RADIL: variants seen among roughly 807,000 people sequenced by gnomAD.
RADIL encodes the protein Rap associating with DIL domain, also known as ras-associating and dilute domain-containing protein.
Under a neutral mutation model 97.6 loss-of-function variants are expected in RADIL, and 99 were observed. The ratio of observed to expected loss-of-function variants is 1.01; its 90% CI spans 0.86 to 1.20. The LOEUF is 1.20. Among genes scored for constraint, RADIL ranks in the 50% most tolerant of loss-of-function variants. The pLI, the probability that RADIL is intolerant of heterozygous loss-of-function variation, is 0.00. For missense variants in RADIL, 1,765 were observed against 1,498.9 expected (o/e 1.18, Z -2.93); for synonymous variants, 803 against 691.8 (o/e 1.16, Z -2.52).
At chr7:4,799,593 T>G in intron 14 of RADIL, 37 bp downstream of exon 14, 2 of 1,606,550 alleles carry the variant, frequency 1.2e-6, no homozygotes, top group Non-Finnish European at 1.7e-6. Context: ...GCAGGGCATC[T>G]GGGAGAAGGG....
intron 5 of RADIL, among the ~76,000 whole-genome samples, chr7:4,830,746 G>A (rs776809115): frequency 6.6e-6 from 1 of 152,122 alleles, no homozygotes; most frequent in Non-Finnish European, 1.5e-5. Flanking sequence ...TGGGCGCGGT[G>A]GTTCACACCT....
At position 4,815,359 on chromosome 7, in the gene RADIL, G is replaced by A. The variant is rs3750011; in HGVS notation, c.2058C>T (p.Phe686=). The change falls in exon 9 of 15, where the codon TTC becomes TTT. Residue 686 remains phenylalanine, a synonymous_variant. Transcript: ENST00000399583. This position sits in a 1 kb window ranked among gnomAD's most constrained non-coding sequence, Gnocchi z 8.0. ...QLLEWMRSAG[F]GAAGEHFFQK... is the part of the protein sequence containing the mutation. ...GGAAGAAGTGCTCTCCAGCCGCCCC[G>A]AAGCCGGCGCTCCGCATCCACTCCA... is the stretch of plus-strand genomic sequence containing the variant. The A allele has an allele frequency of 3.3e-3, 5,182 of 1,559,362 alleles. 256 individuals are homozygous for A. In the East Asian group the frequency reaches 0.099, roughly 30 times the overall value.
rs61617955 is a variant in RADIL at position 4,814,569 on chromosome 7, G to T, written c.2139+709C>A. ...GGTGAGTGGCTGACTGTGTTGGGAGGGGGGTGGTGAGCAGCGAGGGAAGCA... is the reference window on the plus strand; with the variant it reads ...GGTGAGTGGCTGACTGTGTTGGGAGTGGGGTGGTGAGCAGCGAGGGAAGCA... On this transcript the variant is annotated intron_variant, in intron 9 of 14. Coordinates refer to ENST00000399583, the MANE Select transcript of RADIL (RefSeq NM_018059.5). This position sits in a 1 kb window ranked among gnomAD's most constrained non-coding sequence, Gnocchi z 4.5. Among the ~76,000 whole-genome samples the T allele has an allele frequency of 3.9e-5, 6 of 152,022 alleles. No homozygotes were observed. The highest frequency in any genetic ancestry group is 1.5e-4 in the African/African-American group (6 of 41,338).
At position 4,814,085 on chromosome 7, in the gene RADIL, A is replaced by C. The variant is rs1160576561; in HGVS notation, c.2139+1193T>G. 2.6e-5 allele frequency among the ~76,000 whole-genome samples: 4 copies of C among 152,272 alleles called. No homozygotes were observed. The East Asian group carries it at 7.7e-4, about 29-fold the overall frequency. ...ATGAGCCACCGTGCCTGGCCGAGTC[A>C]GCTTTCTTCAATCTGCTAAGGCAGT... On this transcript the variant is annotated intron_variant, in intron 9 of 14. Transcript: ENST00000399583. The surrounding 1 kb of genome is among the most constrained non-coding windows in gnomAD (Gnocchi z 4.5).
At position 4,799,621 on chromosome 7, in the gene RADIL, T is replaced by A; in HGVS notation, c.3122+9A>T. 1 of 1,605,766 alleles carries A rather than the reference T, an allele frequency of 6.2e-7. No individual in the cohort carries two copies. The highest frequency in any genetic ancestry group is 2.2e-5 in the East Asian group (1 of 44,700). On this transcript the variant is annotated intron_variant, in intron 14 of 14. Coordinates refer to ENST00000399583, the MANE Select transcript of RADIL (RefSeq NM_018059.5). ...GAGAAGGGGCCGGGCGTGCATGCGGTGGGGGTACCTCAGGTAGCCAAGGCC... is the reference window on the plus strand; with the variant it reads ...GAGAAGGGGCCGGGCGTGCATGCGGAGGGGGTACCTCAGGTAGCCAAGGCC...
At position 4,822,575 on chromosome 7, in the gene RADIL, A is replaced by C. The variant is rs749488569; in HGVS notation, c.1455-21T>G. On this transcript the variant is annotated intron_variant, in intron 5 of 14. Coordinates refer to ENST00000399583, the MANE Select transcript of RADIL (RefSeq NM_018059.5). The surrounding 1 kb of genome is among the most constrained non-coding windows in gnomAD (Gnocchi z 5.3). Reference sequence around the variant, plus strand: ...CCTGGCTACCAAGACAGAAAGACTAAGAGTTACGCGGGGACCCGACCCTCA... The same window carrying C: ...CCTGGCTACCAAGACAGAAAGACTACGAGTTACGCGGGGACCCGACCCTCA... The C allele has an allele frequency of 1.2e-6, 2 of 1,610,230 alleles. No individual in the cohort carries two copies. The highest frequency in any genetic ancestry group is 1.7e-4 in the Middle Eastern group (1 of 6,030).
At position 4,834,764 on chromosome 7, in the gene RADIL, C is replaced by A; in HGVS notation, c.1259G>T (p.Arg420Met). The A allele has an allele frequency of 7.1e-7, 1 of 1,399,806 alleles. No homozygotes were observed. The highest frequency in any genetic ancestry group is 9.3e-7 in the Non-Finnish European group (1 of 1,070,194). 86.7% of individuals were successfully genotyped at this position (1,399,806 alleles called of 1,614,324 possible). ...EPHLEDTLLQ[R>M]IMTLIEPGGD... is the part of the protein sequence containing the mutation. ...CCCCGGCTCGATCAACGTCATGATC[C>A]TCTGCAGCAGCGTGTCCTCCAGGTG... Residue 420 changes from arginine (R) to methionine (M), a missense_variant, in exon 4 of 15, where the codon AGG (arginine) becomes ATG (methionine). Physicochemically the swap from Arg to Met is moderately conservative, Grantham distance 91 (BLOSUM62 -1). Coordinates refer to ENST00000399583, the MANE Select transcript of RADIL (RefSeq NM_018059.5). The surrounding 1 kb of genome is among the most constrained non-coding windows in gnomAD (Gnocchi z 6.0).
intron 5 of RADIL, among the ~76,000 whole-genome samples, chr7:4,825,503 GA>G (rs1232916133): frequency 6.6e-6 from 1 of 152,158 alleles, no homozygotes. Context: ...TTGTGAGTGA[GA>G]AAGCAAACCA....
chr7:4,820,047 C>T (rs1431858206), intron 6 of RADIL, among the ~76,000 whole-genome samples: 1 of 152,230 alleles, frequency 6.6e-6, no homozygotes, highest in Non-Finnish European at 1.5e-5. Flanking sequence ...GGGGACTCTC[C>T]AGGAACACAG....
chr7:4,839,635 T>C (rs73316117), intron 2 of RADIL, among the ~76,000 whole-genome samples: 5,402 of 152,290 alleles, frequency 0.035, 300 homozygotes, highest in African/African-American at 0.12. Flanking sequence ...TTGACTTATT[T>C]CATTTTTTTA....
At chr7:4,844,355 G>A (rs1260502378) in intron 2 of RADIL, among the ~76,000 whole-genome samples, 2 of 151,910 alleles carry the variant, frequency 1.3e-5, no homozygotes, top group African/African-American at 2.4e-5. Flanking sequence ...TGAGGCAGGA[G>A]AATTGCTTGA....
At position 4,834,641 on chromosome 7, in the gene RADIL, A is replaced by G; in HGVS notation, c.1382T>C (p.Leu461Pro). ...FQPGTFGQLL[L>P]KIARLIRETV... ...CTCGCGGATCAGCCTGGCTATCTTG[A>G]GCAGGAGCTGCCCGAATGTGCCCGG... The change falls in exon 4 of 15, where the codon CTC becomes CCC. Residue 461 changes from leucine (L) to proline (P), a missense_variant. Leu to Pro is a moderately conservative substitution (Grantham distance 98). Coordinates refer to ENST00000399583, the MANE Select transcript of RADIL (RefSeq NM_018059.5). The surrounding 1 kb of genome is among the most constrained non-coding windows in gnomAD (Gnocchi z 6.0). 1 of 1,355,488 alleles carries G rather than the reference A, an allele frequency of 7.4e-7. No individual in the cohort carries two copies. The highest frequency in any genetic ancestry group is 9.6e-7 in the Non-Finnish European group (1 of 1,046,548). 84.0% of individuals were successfully genotyped at this position (1,355,488 alleles called of 1,614,324 possible). A position where few individuals can be genotyped will look rare whatever the true frequency, so the allele number is the denominator to read the frequency against.
Position 4,814,963 on chromosome 7 carries a change from C to G in RADIL, c.2139+315G>C, listed in dbSNP as rs572241915. On this transcript the variant is annotated intron_variant, in intron 9 of 14. Coordinates refer to ENST00000399583, the MANE Select transcript of RADIL (RefSeq NM_018059.5). This position sits in a 1 kb window ranked among gnomAD's most constrained non-coding sequence, Gnocchi z 4.5. ...ACTTGTCTGAGTGGACTGGGCCACC[C>G]GGATACCCAGGTCATCTCCGAATCT... Among the ~76,000 whole-genome samples the G allele has an allele frequency of 4.9e-4, 74 of 152,270 alleles. No individual in the cohort carries two copies. Among genetic ancestry groups the G allele is most frequent in the Non-Finnish European group, 9.0e-4 (61 of 68,018 alleles).
chr7:4,875,691 C>G (rs214126), intron 2 of RADIL, among the ~76,000 whole-genome samples: 1 of 152,238 alleles, frequency 6.6e-6, no homozygotes, highest in African/African-American at 2.4e-5. Flanking sequence ...GACCGAAATT[C>G]TGTGTCTGAC....
chr7:4,835,861 G>A lies in RADIL; in HGVS notation c.783+497C>T, dbSNP rs936398808. On this transcript the variant is annotated intron_variant, in intron 3 of 14. Transcript: ENST00000399583. This position sits in a 1 kb window ranked among gnomAD's most constrained non-coding sequence, Gnocchi z 5.8. ...GTGGCCCTGCGCCTGGCATTTGCTC[G>A]GGGCGACAGCCTGCCTGCTCTGATG... 3.9e-5 allele frequency among the ~76,000 whole-genome samples: 6 copies of A among 152,372 alleles called. No individual in the cohort carries two copies. The highest frequency in any genetic ancestry group is 6.8e-3 in the Middle Eastern group (2 of 294).
At chr7:4,857,840 G>A (rs1293399921) in intron 2 of RADIL, 1 of 152,486 alleles carries the variant, frequency 6.6e-6, no homozygotes, top group Admixed American at 6.6e-5. Flanking sequence ...ATAAAACAAA[G>A]CAAACTCCAC....
At chr7:4,857,199 G>T (rs1003395407) in intron 2 of RADIL, among the ~76,000 whole-genome samples, 27 of 152,144 alleles carry the variant, frequency 1.8e-4, no homozygotes, top group African/African-American at 6.5e-4. Context: ...GATGCTGTAG[G>T]ACTTCTATCA....
chr7:4,802,020 C>G, intron 11 of RADIL, 25 bp from the exon 12 acceptor site: 4 of 1,469,894 alleles, frequency 2.7e-6, no homozygotes, highest in Non-Finnish European at 3.6e-6. Context: ...GGTGACAGCT[C>G]AGGTAGAGGA....
rs754389180 is a variant in RADIL at position 4,834,793 on chromosome 7, C to A, written c.1230G>T (p.Glu410Asp). The change falls in exon 4 of 15, where the codon GAG becomes GAT. Residue 410 changes from glutamate to aspartate, a missense_variant. Physicochemically the swap from Glu to Asp is conservative, Grantham distance 45. Coordinates refer to ENST00000399583, the MANE Select transcript of RADIL (RefSeq NM_018059.5). This position sits in a 1 kb window ranked among gnomAD's most constrained non-coding sequence, Gnocchi z 6.0. ...GCAGCAGCGTGTCCTCCAGGTGGGG[C>A]TCAAACTCCAGGAGCAGCTGCTGGC... is the stretch of plus-strand genomic sequence containing the variant. The part of the protein sequence containing the change: ...PRRQQLLLEF[E>D]PHLEDTLLQR... The A allele has an allele frequency of 7.4e-6, 10 of 1,348,830 alleles. No individual in the cohort carries two copies. The highest frequency in any genetic ancestry group is 8.6e-6 in the Non-Finnish European group (9 of 1,045,306). The allele number at this position is 1,348,830 out of a possible 1,614,324, so 83.6% of individuals were successfully genotyped here.
Sources: allele counts gnomAD v4.1 joint callset (sites outside exome capture counted in the v4.1 genomes callset), GRCh38; gene constraint gnomAD v4.1.1; non-coding constraint Gnocchi (gnomAD v3.1); transcripts MANE v1.5; gene names NCBI Gene and HGNC (gene_info 2026-07-23, HGNC 2026-07-21).